Variants in MTCL1 observed in about 807,000 individuals in gnomAD.
MTCL1 encodes microtubule cross-linking factor 1.
Under a neutral mutation model 141.4 loss-of-function variants are expected in MTCL1, and 79 were observed. The observed-to-expected ratio is 0.56, with a 90% CI of 0.47 to 0.67. The LOEUF (loss-of-function observed/expected upper bound fraction) is 0.67. MTCL1 is among the 30% of genes least tolerant of loss of function. The pLI is 0.00. For synonymous variants in MTCL1, 914 were observed against 875.8 expected, an observed-to-expected ratio of 1.04 and a Z score of -0.77; for missense variants, 2,177 against 2,113.9, an observed-to-expected ratio of 1.03 and a Z score of -0.59.
Position 8,726,532 on chromosome 18 carries a change from T to A in MTCL1, c.357+6036T>A, listed in dbSNP as rs149646489. ...GCAAGAGCGAGCGAGAGAGAGCGAG[T>A]GCGCATGCGCGCGCGCAACAAGCAA... is the stretch of plus-strand genomic sequence containing the variant. On this transcript the variant is annotated intron_variant, in intron 4 of 16. Coordinates refer to ENST00000359865, the Ensembl canonical transcript of MTCL1. Among the ~76,000 whole-genome samples the A allele has an allele frequency of 3.0e-3, 225 of 74,856 alleles. 2 individuals are homozygous for A. The highest frequency in any genetic ancestry group is 0.011 in the African/African-American group (185 of 17,332). The allele number at this position is 74,856 out of a possible 152,430, so 49.1% of individuals were successfully genotyped here.
intron 11 of MTCL1, among the ~76,000 whole-genome samples, chr18:8,811,665 G>T (rs2076491360): frequency 6.6e-6 from 1 of 152,074 alleles, no homozygotes; most frequent in South Asian, 2.1e-4. Flanking sequence ...AGGAATAATG[G>T]TTACTGACTT....
intron 10 of MTCL1, among the ~76,000 whole-genome samples, chr18:8,802,637 C>T (rs144596500): frequency 6.6e-6 from 1 of 152,260 alleles, no homozygotes; most frequent in East Asian, 1.9e-4. Flanking sequence ...GTCTGATGGA[C>T]CAAAGACCAA....
At chr18:8,776,156 A>G (rs1399151810) in intron 4 of MTCL1, among the ~76,000 whole-genome samples, 1 of 152,090 alleles carries the variant, frequency 6.6e-6, no homozygotes, top group Non-Finnish European at 1.5e-5. Flanking sequence ...GAGGCCCTGG[A>G]CCCCGAGGTG....
upstream of MTCL1, chr18:8,705,590 G>C: frequency 9.8e-7 from 1 of 1,016,600 alleles, no homozygotes; most frequent in Non-Finnish European, 1.2e-6. The surrounding 1 kb of genome is among the most constrained non-coding windows in gnomAD (Gnocchi z 5.2). Flanking sequence ...GCTGCACGCC[G>C]CCGCCGCCGC....
At chr18:8,786,335 C>T (rs1269648038) in intron 7 of MTCL1, 8 of 691,818 alleles carry the variant, frequency 1.2e-5, no homozygotes, top group Non-Finnish European at 1.6e-5. Flanking sequence ...AGGCACTGTC[C>T]ACCTCCTGTT....
At chr18:8,720,620 C>T in intron 4 of MTCL1, 124 bp downstream of exon 3, 1 of 885,558 alleles carries the variant, frequency 1.1e-6, no homozygotes, top group Non-Finnish European at 1.7e-6. Flanking sequence ...GTTTGTTTGG[C>T]TCATAAGTTA....
intron 10 of MTCL1, among the ~76,000 whole-genome samples, chr18:8,798,612 T>C (rs1403337316): frequency 6.6e-6 from 1 of 152,170 alleles, no homozygotes; most frequent in Non-Finnish European, 1.5e-5. Context: ...GGCAACATCA[T>C]TCGTTTGGCA....
chr18:8,766,927 C>T (rs2096462436), intron 4 of MTCL1, among the ~76,000 whole-genome samples: 1 of 152,232 alleles, frequency 6.6e-6, no homozygotes, highest in Admixed American at 6.5e-5. Context: ...GGCTGACCCA[C>T]CTCAAAGACC....
At position 8,822,850 on chromosome 18, in the gene MTCL1, A is replaced by T. The variant is rs955810051; in HGVS notation, c.3188+1352A>T. Among the ~76,000 whole-genome samples the T allele has an allele frequency of 5.3e-4, 80 of 152,150 alleles. 1 individual carries two copies. The highest frequency in any genetic ancestry group is 5.9e-5 in the Non-Finnish European group (4 of 68,030). Reference sequence around the variant, plus strand: ...TCCGGTTAGGCTTTGGAGCAACTGTACTTCACCACTCAAGCCATCAACTTT... The same window carrying T: ...TCCGGTTAGGCTTTGGAGCAACTGTTCTTCACCACTCAAGCCATCAACTTT... On this transcript the variant is annotated intron_variant, in intron 14 of 16. Coordinates refer to ENST00000359865, the Ensembl canonical transcript of MTCL1. This position sits in a 1 kb window ranked among gnomAD's most constrained non-coding sequence, Gnocchi z 4.6.
Position 8,820,690 on chromosome 18 carries a change from G to A in MTCL1, c.3157-777G>A, listed in dbSNP as rs937419738. On this transcript the variant is annotated intron_variant, in intron 13 of 16. Coordinates refer to ENST00000359865, the Ensembl canonical transcript of MTCL1. Reference sequence around the variant, plus strand: ...CATAGTAGAGGTAACGTGGGGTGGGGTCAGGAGCCTGTGCGTGGGTTCCAG... The same window carrying A: ...CATAGTAGAGGTAACGTGGGGTGGGATCAGGAGCCTGTGCGTGGGTTCCAG... Among the ~76,000 whole-genome samples the A allele has an allele frequency of 3.9e-5, 6 of 152,188 alleles. No individual in the cohort carries two copies. The South Asian group carries it at 1.2e-3, about 32-fold the overall frequency.
At chr18:8,769,755 G>A (rs988755299) in intron 4 of MTCL1, among the ~76,000 whole-genome samples, 2 of 152,154 alleles carry the variant, frequency 1.3e-5, no homozygotes, top group African/African-American at 4.8e-5. Context: ...ACCATGCTCT[G>A]GCTCATGGCC....
At chr18:8,746,334 C>T (rs1382641176) in intron 4 of MTCL1, among the ~76,000 whole-genome samples, 4 of 152,184 alleles carry the variant, frequency 2.6e-5, no homozygotes, top group Non-Finnish European at 4.4e-5. Flanking sequence ...ATGGCAGCAC[C>T]GTTTTACACT....
chr18:8,705,586 CG>C, upstream of MTCL1: 1 of 889,070 alleles, frequency 1.1e-6, no homozygotes, highest in Non-Finnish European at 1.3e-6. This position sits in a 1 kb window ranked among gnomAD's most constrained non-coding sequence, Gnocchi z 5.2. Flanking sequence ...GGAGGCTGCA[CG>C]CCGCCGCCGC....
intron 4 of MTCL1, among the ~76,000 whole-genome samples, chr18:8,756,864 T>C (rs2148982105): frequency 6.6e-6 from 1 of 152,304 alleles, no homozygotes; most frequent in East Asian, 1.9e-4. Context: ...AGCCCTTCCC[T>C]GTGAAGTTAG....
At chr18:8,744,585 T>G (rs1414290953) in intron 4 of MTCL1, among the ~76,000 whole-genome samples, 2 of 152,150 alleles carry the variant, frequency 1.3e-5, no homozygotes, top group Admixed American at 1.3e-4. Flanking sequence ...TTTTATATTT[T>G]TATCTTCTTT....
chr18:8,744,580 T>G (rs925290687), intron 4 of MTCL1, among the ~76,000 whole-genome samples: 4 of 152,182 alleles, frequency 2.6e-5, no homozygotes, highest in Non-Finnish European at 5.9e-5. Context: ...TATTTTTTTA[T>G]ATTTTTATCT....
At chr18:8,768,360 G>GCACA (rs2096468955) in intron 4 of MTCL1, among the ~76,000 whole-genome samples, 1 of 152,192 alleles carries the variant, frequency 6.6e-6, no homozygotes, top group Non-Finnish European at 1.5e-5. Context: ...GGACAGAAAT[G>GCACA]CACAGATCTT....
intron 13 of MTCL1, among the ~76,000 whole-genome samples, chr18:8,821,024 C>T (rs1328080011): frequency 1.3e-5 from 2 of 152,300 alleles, no homozygotes; most frequent in Admixed American, 1.3e-4. Flanking sequence ...ACAGCAAGAT[C>T]GGGACCACTA....
Position 8,785,893 on chromosome 18 carries a change from T to C in MTCL1, c.1732-43T>C, listed in dbSNP as rs756299411. ...GTTTGTTTGTTTTTTTGTTTAAAAT[T>C]TTAAAGAACAACAACAACAAATTCC... On this transcript the variant is annotated intron_variant, in intron 6 of 16. Transcript: ENST00000359865. 8.5e-6 allele frequency: 13 copies of C among 1,528,166 alleles called. No individual in the cohort carries two copies. The South Asian group carries it at 1.7e-4, about 20-fold the overall frequency. 94.7% of individuals were successfully genotyped at this position (1,528,166 alleles called of 1,614,324 possible).
Sources: gnomAD v4.1 joint callset for allele counts (sites outside exome capture counted in the v4.1 genomes callset) on GRCh38, gnomAD v4.1.1 for gene constraint, Gnocchi (gnomAD v3.1) non-coding constraint, MANE v1.5 for transcripts, NCBI Gene and HGNC (gene_info 2026-07-23, HGNC 2026-07-21) for gene names.